Variants in SPAG16 observed in about 807,000 individuals in gnomAD.
The protein encoded by SPAG16 is sperm associated antigen 16, also known as sperm-associated antigen 16 protein.
Under a neutral mutation model 80.4 loss-of-function variants are expected in SPAG16, and 86 were observed. The observed-to-expected ratio is 1.07, with a 90% CI of 0.90 to 1.28. The LOEUF (loss-of-function observed/expected upper bound fraction) is 1.28. Among genes scored for constraint, SPAG16 ranks in the 50% most tolerant of loss-of-function variants. The pLI, the probability that SPAG16 is intolerant of heterozygous loss-of-function variation, is 0.00. For missense variants in SPAG16, 870 were observed against 765.3 expected (o/e 1.14, Z -1.61); for synonymous variants, 294 against 265.9 (o/e 1.11, Z -1.03).
intron 15 of SPAG16, among the ~76,000 whole-genome samples, chr2:214,229,940 C>T (rs1688574104): frequency 6.6e-6 from 1 of 151,806 alleles, no homozygotes; most frequent in South Asian, 2.1e-4. Flanking sequence ...TCTATTTTTG[C>T]AGATTCAACC....
rs1559605584 is a variant in SPAG16, at chr2:213,934,835, C to A, written c.1400+4690C>A. Among the ~76,000 whole-genome samples the A allele has an allele frequency of 2.0e-5, 3 of 152,184 alleles. No individual in the cohort carries two copies. In the South Asian group the frequency reaches 6.2e-4, roughly 32 times the overall value. On this transcript the variant is annotated intron_variant, in intron 12 of 15. Coordinates refer to ENST00000331683, the MANE Select transcript of SPAG16 (RefSeq NM_024532.5). ...AACTGAAAGAACAATTGTCAAGCTG[C>A]TTGAAGTAAAGCCACCCCTGTTTTG... is the stretch of plus-strand genomic sequence containing the variant.
intron 11 of SPAG16, among the ~76,000 whole-genome samples, chr2:213,888,015 T>C (rs1198464809): frequency 6.6e-6 from 1 of 151,844 alleles, no homozygotes; most frequent in African/African-American, 2.4e-5. Flanking sequence ...TTTGAGCATA[T>C]ATTATTTATT....
At chr2:213,653,763 C>T (rs2063112636) in intron 10 of SPAG16, among the ~76,000 whole-genome samples, 1 of 152,062 alleles carries the variant, frequency 6.6e-6, no homozygotes, top group Admixed American at 6.5e-5. Flanking sequence ...GAACTATAAA[C>T]AATCACCATT....
intron 15 of SPAG16, among the ~76,000 whole-genome samples, chr2:214,334,017 A>G (rs1559220953): frequency 1.3e-5 from 2 of 152,150 alleles, no homozygotes; most frequent in African/African-American, 2.4e-5. Context: ...ATTACAGGAG[A>G]GTGCTCCCAT....
chr2:213,448,955 G>C (rs1202835422), intron 9 of SPAG16, among the ~76,000 whole-genome samples: 1 of 151,986 alleles, frequency 6.6e-6, no homozygotes, highest in Non-Finnish European at 1.5e-5. Flanking sequence ...AGTGGGGTCG[G>C]GCAAAAAGGG....
chr2:214,148,378 A>C (rs538684979), intron 14 of SPAG16, among the ~76,000 whole-genome samples: 16 of 152,104 alleles, frequency 1.1e-4, no homozygotes, highest in South Asian at 2.1e-4. Flanking sequence ...CTGCAAAACT[A>C]TCTCTCCCCA....
At chr2:214,038,206 A>G (rs4672704) in intron 13 of SPAG16, among the ~76,000 whole-genome samples, 43,280 of 152,010 alleles carry the variant, frequency 0.28, 6,596 homozygotes, top group Non-Finnish European at 0.32. Flanking sequence ...GAAAGACTGT[A>G]CTTTTGTTCT....
chr2:213,730,032 A>G (rs2066956800), intron 10 of SPAG16, among the ~76,000 whole-genome samples: 1 of 152,224 alleles, frequency 6.6e-6, no homozygotes, highest in Admixed American at 6.5e-5. Flanking sequence ...ATTTTCATTT[A>G]TAAATCATGG....
At chr2:214,371,654 T>C (rs1325184216) in intron 15 of SPAG16, among the ~76,000 whole-genome samples, 1 of 149,918 alleles carries the variant, frequency 6.7e-6, no homozygotes, top group Admixed American at 6.7e-5. Flanking sequence ...ATATAGATTA[T>C]AAAATTATAA....
chr2:213,378,044 A>G (rs1235592938), intron 9 of SPAG16, among the ~76,000 whole-genome samples: 3 of 152,066 alleles, frequency 2.0e-5, no homozygotes, highest in Non-Finnish European at 2.9e-5. Flanking sequence ...CCGAGTCCCA[A>G]AACTGAAGAA....
intron 15 of SPAG16, among the ~76,000 whole-genome samples, chr2:214,228,576 GT>G (rs753009598): frequency 4.6e-5 from 7 of 151,854 alleles, no homozygotes; most frequent in African/African-American, 7.2e-5. Flanking sequence ...TATATCAATG[GT>G]TCTCAAAGTG....
intron 10 of SPAG16, among the ~76,000 whole-genome samples, chr2:213,666,188 A>G (rs890131269): frequency 1.8e-4 from 28 of 152,210 alleles, no homozygotes; most frequent in African/African-American, 6.7e-4. Context: ...ACAAAAATTA[A>G]TCCCCCCAAA....
chr2:214,039,195 C>G (rs1045040455), intron 13 of SPAG16, among the ~76,000 whole-genome samples: 2 of 152,202 alleles, frequency 1.3e-5, no homozygotes, highest in African/African-American at 4.8e-5. Flanking sequence ...CACATCCTCT[C>G]CAGCACCTGT....
At chr2:213,731,002 T>C (rs2067006524) in intron 10 of SPAG16, among the ~76,000 whole-genome samples, 3 of 152,110 alleles carry the variant, frequency 2.0e-5, no homozygotes, top group African/African-American at 7.2e-5. Flanking sequence ...TTTTTTTATT[T>C]TTTTATGGTT....
At chr2:213,404,804 G>T (rs1034532166) in intron 9 of SPAG16, among the ~76,000 whole-genome samples, 2 of 151,976 alleles carry the variant, frequency 1.3e-5, no homozygotes, top group Non-Finnish European at 2.9e-5. Context: ...ATGAGTAATT[G>T]TATGTTTTAC....
intron 15 of SPAG16, among the ~76,000 whole-genome samples, chr2:214,230,574 T>C (rs1456722464): frequency 1.3e-5 from 2 of 152,062 alleles, no homozygotes; most frequent in Admixed American, 6.6e-5. Context: ...TGGATATTTA[T>C]AGATACAGTA....
At chr2:214,229,510 G>GTA (rs1470282386) in intron 15 of SPAG16, among the ~76,000 whole-genome samples, 1 of 151,630 alleles carries the variant, frequency 6.6e-6, no homozygotes, top group Admixed American at 6.6e-5. Flanking sequence ...GTGTATGTGT[G>GTA]TATATATATG....
At chr2:213,719,638 T>C (rs931863235) in intron 10 of SPAG16, among the ~76,000 whole-genome samples, 7 of 152,232 alleles carry the variant, frequency 4.6e-5, no homozygotes, top group African/African-American at 1.7e-4. Flanking sequence ...CTGGACACAA[T>C]ACCATCTCAT....
intron 15 of SPAG16, among the ~76,000 whole-genome samples, chr2:214,202,137 T>C (rs1559125612): frequency 6.6e-6 from 1 of 152,198 alleles, no homozygotes; most frequent in African/African-American, 2.4e-5. Flanking sequence ...TAAGCTACCA[T>C]GCTCAGCCAA....
Sources: allele counts gnomAD v4.1 joint callset (sites outside exome capture counted in the v4.1 genomes callset), GRCh38; gene constraint gnomAD v4.1.1; transcripts MANE v1.5; gene names NCBI Gene and HGNC (gene_info 2026-07-23, HGNC 2026-07-21).